Variants in EXOC2 observed in about 807,000 individuals in gnomAD.
EXOC2 encodes SEC5-like 1.
In EXOC2, 70 loss-of-function variants were observed where a neutral mutation model predicts 131.8. The ratio of observed to expected loss-of-function variants is 0.53; its 90% CI spans 0.44 to 0.65. The LOEUF is 0.65. Ranked by LOEUF, EXOC2 falls within the 30% of genes least tolerant of loss-of-function variation. The pLI, the probability that EXOC2 is intolerant of heterozygous loss-of-function variation, is 0.00. For missense variants in EXOC2, 923 were observed against 1,108.6 expected (o/e 0.83, Z 2.38); for synonymous variants, 411 against 398.4 (o/e 1.03, Z -0.38).
intron 12 of EXOC2, 122 bp downstream of exon 12, chr6:576,635 G>C (rs1758592072): frequency 9.0e-7 from 1 of 1,110,756 alleles, no homozygotes; most frequent in Admixed American, 2.9e-5. Flanking sequence ...CAAAAGCGAT[G>C]ATGGCTGATA....
rs574598874 is a variant in EXOC2, at chr6:572,736, A to G, written c.1319-92T>C. The stretch of plus-strand genomic sequence containing the variant: ...TGGCGCACCCCCCTCCACTCCCGCA[A>G]AACTCCAACATGCACTAGGAATAGC... On this transcript the variant is annotated intron_variant, in intron 12 of 27. Transcript: ENST00000230449. 1.2e-5 allele frequency: 18 copies of G among 1,452,592 alleles called. No individual in the cohort carries two copies. The South Asian group carries it at 1.9e-4, about 15-fold the overall frequency. 90.0% of individuals were successfully genotyped at this position (1,452,592 alleles called of 1,614,324 possible). A position where few individuals can be genotyped will look rare whatever the true frequency, so the allele number is the denominator to read the frequency against.
At chr6:560,538 G>A (rs549071787) in intron 17 of EXOC2, among the ~76,000 whole-genome samples, 11 of 152,114 alleles carry the variant, frequency 7.2e-5, no homozygotes, top group Non-Finnish European at 1.6e-4. Flanking sequence ...TTATTTCCCA[G>A]GTAGTGCATG....
At chr6:610,274 A>G (rs1760648510) in intron 6 of EXOC2, 96 bp from the exon 7 acceptor site, 4 of 1,102,338 alleles carry the variant, frequency 3.6e-6, no homozygotes, top group Admixed American at 4.2e-5. Flanking sequence ...TAAAATGGTC[A>G]TATTATTTTC....
intron 4 of EXOC2, among the ~76,000 whole-genome samples, chr6:626,316 G>A (rs956125804): frequency 6.6e-6 from 1 of 152,112 alleles, no homozygotes; most frequent in African/African-American, 2.4e-5. Context: ...CTTGCAGGCT[G>A]AAAGAAAAAA....
At chr6:671,048 C>CA (rs376028047) in intron 1 of EXOC2, among the ~76,000 whole-genome samples, 53,739 of 84,090 alleles carry the variant, frequency 0.64, 16,371 homozygotes, top group East Asian at 0.77. Context: ...GACTCCATCT[C>CA]AAAAAAAAAA....
chr6:593,258 G>A (rs531925915), intron 10 of EXOC2, among the ~76,000 whole-genome samples: 1 of 152,104 alleles, frequency 6.6e-6, no homozygotes, highest in South Asian at 2.1e-4. Flanking sequence ...GGAGCCAGCA[G>A]ATACTGGGCA....
At chr6:585,728 G>C (rs1213553418) in intron 11 of EXOC2, among the ~76,000 whole-genome samples, 1 of 152,174 alleles carries the variant, frequency 6.6e-6, no homozygotes, top group Non-Finnish European at 1.5e-5. Flanking sequence ...TTATATGTTA[G>C]ATTTCTTAGA....
intron 1 of EXOC2, among the ~76,000 whole-genome samples, chr6:642,603 A>G (rs76602820): frequency 0.04 from 6,082 of 152,342 alleles, 286 homozygotes; most frequent in South Asian, 0.16. Context: ...AGAACTTAAA[A>G]GAGTCTATAA....
At position 592,504 on chromosome 6, in the gene EXOC2, T is replaced by C. The variant is rs762460669; in HGVS notation, c.1157A>G (p.His386Arg). ...TTTCACGTAGCCCTCTTTGCAACTGTGCATGAGCTGAAGGATCCACTTGTG... is the reference window on the plus strand; with the variant it reads ...TTTCACGTAGCCCTCTTTGCAACTGCGCATGAGCTGAAGGATCCACTTGTG... Reference protein sequence around the residue: ...AQHKWILQLMHSCKEGYVKDL... With the variant: ...AQHKWILQLMRSCKEGYVKDL... Residue 386 changes from histidine (H) to arginine (R), a missense_variant, in exon 11 of 28, where the codon CAC becomes CGC. His to Arg is a conservative substitution (Grantham distance 29). Transcript: ENST00000230449. 6 of 1,614,100 alleles carry C rather than the reference T, an allele frequency of 3.7e-6. No individual in the cohort carries two copies. Among genetic ancestry groups the C allele is most frequent in the Non-Finnish European group, 5.1e-6 (6 of 1,179,996 alleles).
Position 572,634 on chromosome 6 carries a change from G to C in EXOC2, c.1329C>G (p.Tyr443Ter). The change falls in exon 13 of 28, where the codon TAC (tyrosine) becomes TAG (stop). Residue 443 changes from tyrosine to a stop codon, truncating the protein, a stop_gained. Coordinates refer to ENST00000230449, the MANE Select transcript of EXOC2 (RefSeq NM_018303.6). LOFTEE classifies it high-confidence loss of function. ...CAAAGGCCACCCTGTGGGGAGTTTT[G>C]TATCTCCACGCTAAGGGGGAAAAGA... ...FQSGRDDTWR[Y>*]KTPHRVAFVE... The C allele has an allele frequency of 6.2e-7, 1 of 1,613,542 alleles. No homozygotes were observed. The highest frequency in any genetic ancestry group is 8.5e-7 in the Non-Finnish European group (1 of 1,179,842).
At chr6:639,148 A>C (rs1200167809) in intron 1 of EXOC2, among the ~76,000 whole-genome samples, 1 of 152,128 alleles carries the variant, frequency 6.6e-6, no homozygotes, top group East Asian at 1.9e-4. Context: ...ACCAAGCAAG[A>C]GCACCAGGAC....
At chr6:630,759 GA>G (rs1761805697) in intron 3 of EXOC2, among the ~76,000 whole-genome samples, 1 of 152,166 alleles carries the variant, frequency 6.6e-6, no homozygotes, top group Admixed American at 6.5e-5. Context: ...CTAGATGGTA[GA>G]AACAGCAGGG....
chr6:597,651 T>C (rs1008191862), intron 10 of EXOC2, among the ~76,000 whole-genome samples: 1 of 152,190 alleles, frequency 6.6e-6, no homozygotes, highest in African/African-American at 2.4e-5. Context: ...TCCCACCCAG[T>C]GTGTGACAGT....
At chr6:523,602 A>G (rs1765596633) in intron 23 of EXOC2, among the ~76,000 whole-genome samples, 1 of 152,246 alleles carries the variant, frequency 6.6e-6, no homozygotes, top group Admixed American at 6.5e-5. Context: ...ATATCTATGA[A>G]TTCAAGTTAG....
At chr6:636,457 TA>T (rs1399019165) in intron 2 of EXOC2, among the ~76,000 whole-genome samples, 1 of 152,192 alleles carries the variant, frequency 6.6e-6, no homozygotes, top group African/African-American at 2.4e-5. Flanking sequence ...GAGAAAACAA[TA>T]TCAAATGAGA....
intron 1 of EXOC2, among the ~76,000 whole-genome samples, chr6:673,684 C>T (rs896102892): frequency 1.3e-5 from 2 of 152,102 alleles, no homozygotes; most frequent in African/African-American, 4.8e-5. Flanking sequence ...ATTTACACTT[C>T]AAAACTCAAA....
At chr6:656,328 T>C (rs1763084162) in intron 1 of EXOC2, 1 of 1,614,042 alleles carries the variant, frequency 6.2e-7, no homozygotes, top group Non-Finnish European at 8.5e-7. Context: ...GTTTCCAAGA[T>C]TTTTAAAATA....
chr6:675,286 T>C (rs747320215), intron 1 of EXOC2, among the ~76,000 whole-genome samples: 5 of 152,046 alleles, frequency 3.3e-5, no homozygotes, highest in Non-Finnish European at 7.4e-5. Context: ...AGGCTGGGGG[T>C]GGAGGAAAGA....
intron 12 of EXOC2, among the ~76,000 whole-genome samples, chr6:573,492 A>C (rs765291032): frequency 6.6e-6 from 1 of 152,096 alleles, no homozygotes; most frequent in South Asian, 2.1e-4. Flanking sequence ...GACGCCGCGG[A>C]TCAGGCTCTA....
Sources: gnomAD v4.1 joint callset for allele counts (sites outside exome capture counted in the v4.1 genomes callset) on GRCh38, gnomAD v4.1.1 for gene constraint, MANE v1.5 for transcripts, NCBI Gene and HGNC (gene_info 2026-07-23, HGNC 2026-07-21) for gene names.